Variants in DCC observed in about 807,000 individuals in gnomAD.
DCC encodes the protein DCC netrin 1 receptor.
A neutral mutation model predicts 172.5 loss-of-function variants in DCC; 58 were observed. That is an observed-to-expected ratio of 0.34 (90% confidence interval 0.27 to 0.42). The LOEUF (loss-of-function observed/expected upper bound fraction) is 0.42, where lower values mean the gene tolerates loss of function less well. Ranked by LOEUF, DCC falls within the 10% of genes least tolerant of loss-of-function variation. The probability of loss-of-function intolerance (pLI) is 1.00; values close to 1 mark genes in which losing one functional copy is unlikely to be tolerated. For missense variants in DCC, 1,740 were observed against 1,791.0 expected (o/e 0.97, Z 0.51); for synonymous variants, 709 against 644.5 (o/e 1.10, Z -1.52).
At chr18:52,567,557 C>T (rs771746140) in intron 1 of DCC, among the ~76,000 whole-genome samples, 2 of 151,994 alleles carry the variant, frequency 1.3e-5, no homozygotes, top group Non-Finnish European at 2.9e-5. Context: ...CTCGTGGTCT[C>T]AGAAACAGAA....
intron 1 of DCC, among the ~76,000 whole-genome samples, chr18:52,678,017 C>T (rs76613807): frequency 0.03 from 4,589 of 152,174 alleles, 242 homozygotes; most frequent in African/African-American, 0.1. Context: ...TATTACCTTC[C>T]AGTGGAAGTG....
At chr18:53,148,445 G>A (rs1450474477) in intron 7 of DCC, among the ~76,000 whole-genome samples, 1 of 152,116 alleles carries the variant, frequency 6.6e-6, no homozygotes, top group African/African-American at 2.4e-5. Context: ...CAATGACTGG[G>A]AATTCAATGA....
rs1436769303 is a variant in DCC, at chr18:53,307,893, GTATGTATATA to G, written c.2053+2178_2053+2187del. Reference sequence around the variant, plus strand: ...AACCCTTCTGGAAAGCAATGTGTGTGTATGTATATATATATATATATATATATATATATAT... The same window carrying G: ...AACCCTTCTGGAAAGCAATGTGTGTGTATATATATATATATATATATATAT... On this transcript the variant is annotated intron_variant, in intron 13 of 28. Coordinates refer to ENST00000442544, the MANE Select transcript of DCC (RefSeq NM_005215.4). 5.3e-4 allele frequency among the ~76,000 whole-genome samples: 52 copies of G among 97,552 alleles called. 5 individuals carry two copies. The highest frequency in any genetic ancestry group is 6.3e-4 in the Non-Finnish European group (34 of 54,132). The allele number at this position is 97,552 out of a possible 152,430, so 64.0% of individuals were successfully genotyped here.
chr18:53,527,109 G>A lies in DCC; in HGVS notation c.4254+350G>A, dbSNP rs1416092467. Among the ~76,000 whole-genome samples, 3 of 150,352 alleles carry A rather than the reference G, an allele frequency of 2.0e-5. No homozygotes were observed. The East Asian group carries it at 5.9e-4, about 29-fold the overall frequency. On this transcript the variant is annotated intron_variant, in intron 28 of 28. Transcript: ENST00000442544. The stretch of plus-strand genomic sequence containing the variant: ...TGGATACGTGTGTGTGTGTGTGTGT[G>A]TGTGTGTGTGTGTGTGTGTGTGTGT...
intron 1 of DCC, among the ~76,000 whole-genome samples, chr18:52,726,187 GA>G (rs1258232139): frequency 6.6e-6 from 1 of 152,150 alleles, no homozygotes; most frequent in Non-Finnish European, 1.5e-5. Context: ...CTGTTTTGTA[GA>G]AAAGAAGTAT....
rs912058105 is a variant in DCC at position 53,002,363 on chromosome 18, G to A, written c.986-60942G>A. Among the ~76,000 whole-genome samples, 8 of 152,072 alleles carry A rather than the reference G, an allele frequency of 5.3e-5. No individual in the cohort carries two copies. In the South Asian group the frequency reaches 6.2e-4, roughly 12 times the overall value. On this transcript the variant is annotated intron_variant, in intron 5 of 28. Transcript: ENST00000442544. ...CAATACAGAAATTATAAATGCCCCT[G>A]ACAATACAGAAATTCACCTGACAAT...
intron 1 of DCC, among the ~76,000 whole-genome samples, chr18:52,502,224 G>T (rs7233239): frequency 0.032 from 4,832 of 152,130 alleles, 271 homozygotes; most frequent in African/African-American, 0.11. Flanking sequence ...TAGAATTAAA[G>T]AAATTATAAA....
At chr18:52,695,976 T>C (rs1271375109) in intron 1 of DCC, among the ~76,000 whole-genome samples, 1 of 152,198 alleles carries the variant, frequency 6.6e-6, no homozygotes, top group East Asian at 1.9e-4. Flanking sequence ...TAAGGTACTT[T>C]TAAACCCCAT....
At chr18:52,918,217 T>A (rs1267045298) in intron 3 of DCC, among the ~76,000 whole-genome samples, 1 of 152,142 alleles carries the variant, frequency 6.6e-6, no homozygotes, top group East Asian at 1.9e-4. Context: ...TTGAACTATG[T>A]TCATTAATTT....
At chr18:52,894,641 T>A (rs1307173747) in intron 2 of DCC, among the ~76,000 whole-genome samples, 2 of 151,748 alleles carry the variant, frequency 1.3e-5, no homozygotes, top group Non-Finnish European at 2.9e-5. Context: ...CCAGGAGACA[T>A]GATGGTATAG....
At chr18:53,418,936 T>C (rs1185142316) in intron 21 of DCC, among the ~76,000 whole-genome samples, 1 of 152,226 alleles carries the variant, frequency 6.6e-6, no homozygotes, top group Non-Finnish European at 1.5e-5. Flanking sequence ...TGACCACCTC[T>C]ATAATTCTCC....
At chr18:53,073,768 AAG>A (rs1287025417) in intron 7 of DCC, among the ~76,000 whole-genome samples, 1 of 152,014 alleles carries the variant, frequency 6.6e-6, no homozygotes, top group East Asian at 1.9e-4. Context: ...TGGAATTCAG[AAG>A]AGTCAATCAT....
intron 2 of DCC, among the ~76,000 whole-genome samples, chr18:52,806,883 G>T (rs531773223): frequency 6.6e-6 from 1 of 152,254 alleles, no homozygotes; most frequent in Non-Finnish European, 1.5e-5. Flanking sequence ...TTGACCTCAG[G>T]CATCCTGTTT....
At chr18:52,485,311 T>C (rs2030162967) in intron 1 of DCC, among the ~76,000 whole-genome samples, 1 of 152,080 alleles carries the variant, frequency 6.6e-6, no homozygotes, top group African/African-American at 2.4e-5. Flanking sequence ...TTAAAAACCA[T>C]AGAATACCTC....
intron 25 of DCC, among the ~76,000 whole-genome samples, chr18:53,472,026 C>A (rs986521630): frequency 2.0e-5 from 3 of 152,134 alleles, no homozygotes; most frequent in East Asian, 3.8e-4. Flanking sequence ...GCACTCAATA[C>A]CATTTAGTCA....
chr18:53,016,926 A>G (rs1477873395), intron 5 of DCC, among the ~76,000 whole-genome samples: 1 of 152,212 alleles, frequency 6.6e-6, no homozygotes, highest in East Asian at 1.9e-4. Flanking sequence ...GTGAGAAGAT[A>G]GAAGTAGCTA....
chr18:53,530,076 A>C (rs746018738), intron 28 of DCC, among the ~76,000 whole-genome samples: 3 of 152,190 alleles, frequency 2.0e-5, no homozygotes, highest in African/African-American at 7.2e-5. Flanking sequence ...ACAGAGAAAA[A>C]ATATTCTGTT....
At chr18:52,436,919 C>CA (rs1987814741) in intron 1 of DCC, among the ~76,000 whole-genome samples, 1 of 152,016 alleles carries the variant, frequency 6.6e-6, no homozygotes, top group South Asian at 2.1e-4. Context: ...GACTCTGCCT[C>CA]AAAAAAATGA....
intron 8 of DCC, among the ~76,000 whole-genome samples, chr18:53,164,658 A>G (rs1314177974): frequency 6.6e-6 from 1 of 152,176 alleles, no homozygotes; most frequent in Admixed American, 6.6e-5. Flanking sequence ...TGAGTATTAC[A>G]TGAAGTTAAA....
Sources: gnomAD v4.1 joint callset for allele counts (sites outside exome capture counted in the v4.1 genomes callset) on GRCh38, gnomAD v4.1.1 for gene constraint, MANE v1.5 for transcripts, NCBI Gene and HGNC (gene_info 2026-07-23, HGNC 2026-07-21) for gene names.